Variants in MAN1A1 observed in about 807,000 individuals in gnomAD.
MAN1A1 encodes mannosyl-oligosaccharide 1,2-alpha-mannosidase IA.
MAN1A1 carries 29 observed loss-of-function variants against 70.8 expected under a neutral mutation model. The ratio of observed to expected loss-of-function variants is 0.41; its 90% confidence interval spans 0.31 to 0.56. MAN1A1 has a LOEUF of 0.56. Ranked by LOEUF, MAN1A1 falls within the 20% of genes least tolerant of loss-of-function variation. MAN1A1 has a pLI of 0.29. For synonymous variants in MAN1A1, 349 were observed against 330.1 expected, an observed-to-expected ratio of 1.06 and a Z score of -0.62; for missense variants, 747 against 841.3, an observed-to-expected ratio of 0.89 and a Z score of 1.39.
chr6:119,334,750 C>T (rs1213374616), intron 2 of MAN1A1, among the ~76,000 whole-genome samples: 1 of 152,240 alleles, frequency 6.6e-6, no homozygotes, highest in Non-Finnish European at 1.5e-5. Flanking sequence ...AGGGTGGATA[C>T]ATCCTAAAAT....
chr6:119,290,871 C>A, intron 4 of MAN1A1, 108 bp from the exon 5 acceptor site: 1 of 699,548 alleles, frequency 1.4e-6, no homozygotes, highest in South Asian at 1.9e-5. Flanking sequence ...TATGCTTGCC[C>A]AGAGAAGTTT....
intron 6 of MAN1A1, among the ~76,000 whole-genome samples, chr6:119,243,843 T>C (rs1775078144): frequency 6.6e-6 from 1 of 152,080 alleles, no homozygotes; most frequent in Non-Finnish European, 1.5e-5. Context: ...CACTGACTAA[T>C]GAGAGTCTGA....
chr6:119,326,769 C>T (rs765972231), intron 2 of MAN1A1, among the ~76,000 whole-genome samples: 5 of 152,100 alleles, frequency 3.3e-5, no homozygotes, highest in Admixed American at 6.5e-5. Context: ...AAACTGCCTC[C>T]GTGATTCAAT....
At chr6:119,301,545 T>C (rs781397372) in intron 4 of MAN1A1, among the ~76,000 whole-genome samples, 51 of 152,358 alleles carry the variant, frequency 3.3e-4, no homozygotes, top group Middle Eastern at 3.4e-3. Context: ...ATGCTGCTGC[T>C]ACTGCTGGAT....
Position 119,349,590 on chromosome 6 carries a change from C to T in MAN1A1, c.-271G>A, listed in dbSNP as rs1773845660. The T allele has an allele frequency of 1.0e-6, 1 of 986,024 alleles. No homozygotes were observed. Among genetic ancestry groups the T allele is most frequent in the Non-Finnish European group, 1.2e-6 (1 of 830,108 alleles). 61.1% of individuals were successfully genotyped at this position (986,024 alleles called of 1,614,324 possible). On this transcript the variant is annotated 5_prime_UTR_variant, in exon 1 of 13. Coordinates refer to ENST00000368468, the MANE Select transcript of MAN1A1 (RefSeq NM_005907.4). ...TGGGCGGGAGACTCGTCAACTTCGC[C>T]CGCTCCCCATCTCCGCGCTGAGACT...
intron 5 of MAN1A1, among the ~76,000 whole-genome samples, chr6:119,285,225 C>A (rs1776335547): frequency 6.6e-6 from 1 of 151,744 alleles, no homozygotes; most frequent in South Asian, 2.1e-4. Flanking sequence ...TGATCCCCCT[C>A]CCTCAGTCTC....
intron 5 of MAN1A1, among the ~76,000 whole-genome samples, chr6:119,278,527 A>C (rs892992239): frequency 6.6e-6 from 1 of 152,200 alleles, no homozygotes; most frequent in Non-Finnish European, 1.5e-5. Flanking sequence ...AGCAGTATTA[A>C]AGATCACTTC....
rs369023068 is a variant in MAN1A1 at position 119,199,573 on chromosome 6, T to C, written c.1210+1681A>G. Among the ~76,000 whole-genome samples, 9 of 152,182 alleles carry C rather than the reference T, an allele frequency of 5.9e-5. 1 individual carries two copies. Among genetic ancestry groups the C allele is most frequent in the Admixed American group, 3.3e-4 (5 of 15,282 alleles). ...TTTTTTTACTGTTTCAGTAAGCACA[T>C]TCATAAGTGAAACCAGTATCCTTTT... On this transcript the variant is annotated intron_variant, in intron 8 of 12. Coordinates refer to ENST00000368468, the MANE Select transcript of MAN1A1 (RefSeq NM_005907.4).
At chr6:119,189,573 G>A in intron 10 of MAN1A1, 91 bp downstream of exon 10, 1 of 1,109,076 alleles carries the variant, frequency 9.0e-7, no homozygotes, top group Non-Finnish European at 1.4e-6. Flanking sequence ...CATAGGCAGA[G>A]CGGATAGTCT....
At chr6:119,258,132 T>C (rs1775509091) in intron 5 of MAN1A1, among the ~76,000 whole-genome samples, 1 of 152,200 alleles carries the variant, frequency 6.6e-6, no homozygotes, top group African/African-American at 2.4e-5. Flanking sequence ...CTCCACTACA[T>C]AGATGTTAAT....
intron 2 of MAN1A1, among the ~76,000 whole-genome samples, chr6:119,330,426 T>C (rs1773277307): frequency 1.3e-5 from 2 of 152,186 alleles, no homozygotes; most frequent in Non-Finnish European, 2.9e-5. Context: ...CACAAAGTTC[T>C]ATAAATTCCG....
chr6:119,304,394 C>G lies in MAN1A1; in HGVS notation c.701-2291G>C, dbSNP rs1772475769. 2.0e-5 allele frequency among the ~76,000 whole-genome samples: 3 copies of G among 152,094 alleles called. 1 individual carries two copies. Among genetic ancestry groups the G allele is most frequent in the African/African-American group, 7.2e-5 (3 of 41,420 alleles). The stretch of plus-strand genomic sequence containing the variant: ...TCATATTTTCATTGACATTTCATTT[C>G]TAAGTTATTAAGAGCCTTAAGTTAA... On this transcript the variant is annotated intron_variant, in intron 3 of 12. Transcript: ENST00000368468.
chr6:119,230,242 G>A (rs1774640911), intron 6 of MAN1A1, among the ~76,000 whole-genome samples: 1 of 152,160 alleles, frequency 6.6e-6, no homozygotes, highest in Admixed American at 6.6e-5. Flanking sequence ...CTGATAGCTG[G>A]CATGATTTGG....
At chr6:119,234,925 A>G (rs1006612475) in intron 6 of MAN1A1, among the ~76,000 whole-genome samples, 11 of 152,072 alleles carry the variant, frequency 7.2e-5, no homozygotes, top group Non-Finnish European at 1.3e-4. Flanking sequence ...AATTCTTCCA[A>G]CATTACAGAC....
At chr6:119,275,106 C>A (rs1157167435) in intron 5 of MAN1A1, among the ~76,000 whole-genome samples, 1 of 151,454 alleles carries the variant, frequency 6.6e-6, no homozygotes, top group African/African-American at 2.4e-5. Context: ...TAGAAGGTTG[C>A]TGCTAGTTCA....
intron 5 of MAN1A1, among the ~76,000 whole-genome samples, chr6:119,275,277 A>AT (rs869090504): frequency 3.8e-5 from 2 of 52,852 alleles, no homozygotes; most frequent in Non-Finnish European, 3.6e-5. Flanking sequence ...TACCCAGCTA[A>AT]TTTTTTTTTT....
intron 3 of MAN1A1, among the ~76,000 whole-genome samples, chr6:119,302,434 T>A (rs974535064): frequency 3.3e-5 from 5 of 151,524 alleles, no homozygotes; most frequent in Non-Finnish European, 5.9e-5. Context: ...CAGGCTGGAG[T>A]GCAGTGGCGC....
At chr6:119,325,120 T>C (rs1773112662) in intron 2 of MAN1A1, among the ~76,000 whole-genome samples, 1 of 152,164 alleles carries the variant, frequency 6.6e-6, no homozygotes. Context: ...TTTACATATA[T>C]CAACACATTT....
In MAN1A1 at chr6:119,180,693, T is replaced by C. The variant is rs11970420; in HGVS notation, c.1720-266A>G. ...ATGCCTGGCTAATTTTTTGTATTTT[T>C]TGTAGAGATAGGGTTTTGCCATGTT... On this transcript the variant is annotated intron_variant, in intron 11 of 12. Coordinates refer to ENST00000368468, the MANE Select transcript of MAN1A1 (RefSeq NM_005907.4). Among the ~76,000 whole-genome samples, 26,032 of 151,872 alleles carry C rather than the reference T, an allele frequency of 0.17. 2,696 individuals carry two copies. Among genetic ancestry groups the C allele is most frequent in the East Asian group, 0.3 (1,551 of 5,134 alleles).
Sources: allele counts gnomAD v4.1 joint callset (sites outside exome capture counted in the v4.1 genomes callset), GRCh38; gene constraint gnomAD v4.1.1; transcripts MANE v1.5; gene names NCBI Gene and HGNC (gene_info 2026-07-23, HGNC 2026-07-21).